The following NEXMIF variants were observed in gnomAD, a reference collection of about 807,000 sequenced individuals.
NEXMIF encodes neurite extension and migration factor, also known as XLMR protein related to neurite extension.
A neutral mutation model predicts 62.1 loss-of-function variants in NEXMIF; 8 were observed. The ratio of observed to expected loss-of-function variants is 0.13; its 90% CI spans 0.08 to 0.23. The LOEUF (loss-of-function observed/expected upper bound fraction) is 0.23. NEXMIF is among the 10% of genes least tolerant of loss of function. The probability of loss-of-function intolerance (pLI) is 1.00; values close to 1 mark genes in which losing one functional copy is unlikely to be tolerated. For missense variants in NEXMIF, 976 were observed against 1,113.3 expected, an observed-to-expected ratio of 0.88 and a Z score of 1.75; for synonymous variants, 404 against 416.6, an observed-to-expected ratio of 0.97 and a Z score of 0.37.
rs951759936 is a variant in NEXMIF, at chrX:74,866,398, C to T, written c.-48+58485G>A. Reference sequence around the variant, plus strand: ...TTGTATCTAGGAAGTAACTAACTTGCTTCTGATTTTACAGGCTCATAGGTG... The same window carrying T: ...TTGTATCTAGGAAGTAACTAACTTGTTTCTGATTTTACAGGCTCATAGGTG... On this transcript the variant is annotated intron_variant, in intron 1 of 3. Coordinates refer to ENST00000055682, the MANE Select transcript of NEXMIF (RefSeq NM_001008537.3). Among the ~76,000 whole-genome samples, 7 of 112,111 alleles carry T rather than the reference C, an allele frequency of 6.2e-5. No individual in the cohort carries two copies. In the South Asian group the frequency reaches 2.2e-3, roughly 36 times the overall value.
At chrX:74,885,653 T>C (rs1329194905) in intron 1 of NEXMIF, among the ~76,000 whole-genome samples, 8 of 111,388 alleles carry the variant, frequency 7.2e-5, no homozygotes, top group Admixed American at 1.9e-4. Context: ...TGGCAATAAT[T>C]AATAGCTTAC....
intron 1 of NEXMIF, chrX:74,769,947 A>C: frequency 1.3e-5 from 3 of 231,842 alleles, no homozygotes; most frequent in Admixed American, 6.9e-5. Flanking sequence ...GGGGTTTCTC[A>C]TTGGCTATGA....
At chrX:74,886,902 C>T (rs1275386625) in intron 1 of NEXMIF, among the ~76,000 whole-genome samples, 1 of 108,175 alleles carries the variant, frequency 9.2e-6, no homozygotes, top group Non-Finnish European at 1.9e-5. Flanking sequence ...TCAAACTATA[C>T]TACAAGGCTA....
rs187425454 is a variant in NEXMIF, at chrX:74,824,397, C to T, written c.-47-78700G>A. On this transcript the variant is annotated intron_variant, in intron 1 of 3. Coordinates refer to ENST00000055682, the MANE Select transcript of NEXMIF (RefSeq NM_001008537.3). ...GTCTTTCTGTGCCTGGCTTCTTTCACTTAGCATAACTCCAGGTTCATCTAT... is the reference window on the plus strand; with the variant it reads ...GTCTTTCTGTGCCTGGCTTCTTTCATTTAGCATAACTCCAGGTTCATCTAT... 7.2e-5 allele frequency among the ~76,000 whole-genome samples: 8 copies of T among 111,865 alleles called. No individual in the cohort carries two copies. In the East Asian group the frequency reaches 2.3e-3, roughly 31 times the overall value.
At chrX:74,869,283 T>TA (rs761023533) in intron 1 of NEXMIF, among the ~76,000 whole-genome samples, 2 of 111,260 alleles carry the variant, frequency 1.8e-5, no homozygotes, top group African/African-American at 3.3e-5. Context: ...ACCTTCATGA[T>TA]AAAAACCCTC....
chrX:74,835,918 A>T (rs1189237754), intron 1 of NEXMIF, among the ~76,000 whole-genome samples: 1 of 112,262 alleles, frequency 8.9e-6, no homozygotes, highest in Non-Finnish European at 1.9e-5. Context: ...TTGGAGTTAA[A>T]AAAACATCAG....
At chrX:74,812,558 C>A (rs2080363667) in intron 1 of NEXMIF, among the ~76,000 whole-genome samples, 4 of 111,142 alleles carry the variant, frequency 3.6e-5, no homozygotes, top group African/African-American at 1.3e-4. Flanking sequence ...AAAGATAATG[C>A]AAGAAACTGA....
At chrX:74,919,732 A>G (rs981584363) in intron 1 of NEXMIF, among the ~76,000 whole-genome samples, 51 of 110,633 alleles carry the variant, frequency 4.6e-4, no homozygotes, top group Middle Eastern at 9.3e-3. Flanking sequence ...CCATTAACTC[A>G]TCATTTAGCA....
At chrX:74,880,263 A>C (rs1200627090) in intron 1 of NEXMIF, among the ~76,000 whole-genome samples, 22 of 112,079 alleles carry the variant, frequency 2.0e-4, no homozygotes, top group Non-Finnish European at 3.8e-5. Context: ...GGATGAGCAA[A>C]GGAGAGGTGG....
chrX:74,859,109 A>C (rs1234290948), intron 1 of NEXMIF, among the ~76,000 whole-genome samples: 1 of 111,427 alleles, frequency 9.0e-6, no homozygotes, highest in East Asian at 2.8e-4. Flanking sequence ...TTCAGAGATA[A>C]TAACAGAGAA....
intron 1 of NEXMIF, among the ~76,000 whole-genome samples, chrX:74,850,361 C>T (rs898704638): frequency 4.5e-5 from 5 of 112,270 alleles, no homozygotes; most frequent in East Asian, 2.8e-4. Flanking sequence ...CCCAGGGACC[C>T]GAGGACCACC....
At chrX:74,819,037 A>G (rs1298759946) in intron 1 of NEXMIF, among the ~76,000 whole-genome samples, 1 of 111,908 alleles carries the variant, frequency 8.9e-6, no homozygotes, top group Non-Finnish European at 1.9e-5. Context: ...CCACACATCT[A>G]CAACCATCTG....
At chrX:74,766,414 C>T (rs1018455660) in intron 1 of NEXMIF, among the ~76,000 whole-genome samples, 13 of 112,015 alleles carry the variant, frequency 1.2e-4, no homozygotes, top group Non-Finnish European at 2.4e-4. Context: ...CCATATTACT[C>T]AGAGGTTTTG....
intron 1 of NEXMIF, among the ~76,000 whole-genome samples, chrX:74,887,730 T>A (rs2080701333): frequency 8.9e-6 from 1 of 111,799 alleles, no homozygotes; most frequent in Admixed American, 9.5e-5. Flanking sequence ...ATTGTGGAAG[T>A]CGGTGTGGTG....
intron 1 of NEXMIF, among the ~76,000 whole-genome samples, chrX:74,922,289 G>C (rs2080829549): frequency 9.0e-6 from 1 of 111,504 alleles, no homozygotes; most frequent in Admixed American, 9.5e-5. Context: ...AAGTAAAACA[G>C]AAAGTGGCAG....
At chrX:74,849,293 A>C (rs931685383) in intron 1 of NEXMIF, among the ~76,000 whole-genome samples, 5 of 112,645 alleles carry the variant, frequency 4.4e-5, no homozygotes, top group African/African-American at 1.6e-4. Context: ...GAGGGAAGAA[A>C]GGCACTCTGC....
intron 1 of NEXMIF, among the ~76,000 whole-genome samples, chrX:74,756,289 T>C (rs891121162): frequency 8.9e-6 from 1 of 112,346 alleles, no homozygotes; most frequent in Non-Finnish European, 1.9e-5. Context: ...GGGTACATGA[T>C]AGTTATTGGC....
chrX:74,775,278 A>T (rs894276613), intron 1 of NEXMIF, among the ~76,000 whole-genome samples: 3 of 111,928 alleles, frequency 2.7e-5, no homozygotes, highest in African/African-American at 9.7e-5. Flanking sequence ...TTCTGAAATA[A>T]TTGCACCACA....
chrX:74,908,415 G>T (rs1211841764), intron 1 of NEXMIF, among the ~76,000 whole-genome samples: 1 of 111,939 alleles, frequency 8.9e-6, no homozygotes, highest in Non-Finnish European at 1.9e-5. Flanking sequence ...TCTACTCAGT[G>T]CTGGAAGATA....
Sources: allele counts gnomAD v4.1 joint callset (sites outside exome capture counted in the v4.1 genomes callset), GRCh38; gene constraint gnomAD v4.1.1; transcripts MANE v1.5; gene names NCBI Gene and HGNC (gene_info 2026-07-23, HGNC 2026-07-21).